RUNX2: variants seen among roughly 807,000 people sequenced by gnomAD.
RUNX2 encodes the protein runt-related transcription factor 2.
RUNX2 carries 10 observed loss-of-function variants against 51.7 expected under a neutral mutation model. That is an observed-to-expected ratio of 0.19 (90% CI 0.12 to 0.33). The LOEUF (loss-of-function observed/expected upper bound fraction) is 0.33, where lower values mean the gene tolerates loss of function less well. Among genes scored for constraint, RUNX2 ranks in the 10% least tolerant of loss-of-function variants. The probability of loss-of-function intolerance (pLI) is 1.00; values close to 1 mark genes in which losing one functional copy is unlikely to be tolerated. For missense variants in RUNX2, 562 were observed against 691.3 expected (o/e 0.81, Z 2.10); for synonymous variants, 276 against 273.6 (o/e 1.01, Z -0.09).
At chr6:45,527,584 A>T (rs1453336473) in intron 7 of RUNX2, among the ~76,000 whole-genome samples, 4 of 152,220 alleles carry the variant, frequency 2.6e-5, no homozygotes, top group Admixed American at 2.6e-4. Flanking sequence ...ATAATATTGC[A>T]TCTTTTACAA....
intron 7 of RUNX2, among the ~76,000 whole-genome samples, chr6:45,519,387 T>G (rs973950606): frequency 6.6e-6 from 1 of 152,214 alleles, no homozygotes; most frequent in African/African-American, 2.4e-5. Context: ...ATTGATACAT[T>G]GTTATGAAAT....
chr6:45,485,671 GTA>G (rs761884913), intron 5 of RUNX2, among the ~76,000 whole-genome samples: 1,764 of 122,790 alleles, frequency 0.014, 17 homozygotes, highest in Middle Eastern at 0.037. Context: ...GCATGGATAT[GTA>G]TGTGTGTGTG....
At position 45,551,063 on chromosome 6, in the gene RUNX2, T is replaced by C. The variant is rs1802550199; in HGVS notation, c.*3758T>C. 6.5e-6 allele frequency: 1 copy of C among 152,674 alleles called. No individual in the cohort carries two copies. Among genetic ancestry groups the C allele is most frequent in the Non-Finnish European group, 1.5e-5 (1 of 68,048 alleles). 9.5% of individuals were successfully genotyped at this position (152,674 alleles called of 1,614,324 possible). Reference sequence around the variant, plus strand: ...AGTTTGAATTTAATTTTCAATAAAATGGCTTTTTTGGTTTTGTTATGTGTG... The same window carrying C: ...AGTTTGAATTTAATTTTCAATAAAACGGCTTTTTTGGTTTTGTTATGTGTG... On this transcript the variant is annotated 3_prime_UTR_variant, in exon 9 of 9. Coordinates refer to ENST00000647337, the MANE Select transcript of RUNX2 (RefSeq NM_001024630.4).
chr6:45,395,508 A>G (rs1310793925), intron 2 of RUNX2, among the ~76,000 whole-genome samples: 1 of 152,236 alleles, frequency 6.6e-6, no homozygotes, highest in Non-Finnish European at 1.5e-5. Context: ...AATTCTTCCT[A>G]AAACATAAGA....
intron 5 of RUNX2, among the ~76,000 whole-genome samples, chr6:45,446,128 C>A (rs113157400): frequency 5.3e-5 from 8 of 152,330 alleles, no homozygotes; most frequent in African/African-American, 1.9e-4. Flanking sequence ...ATGGCATTAA[C>A]ATCCTTTCAT....
chr6:45,501,973 A>C (rs1245932418), intron 6 of RUNX2, among the ~76,000 whole-genome samples: 4 of 152,240 alleles, frequency 2.6e-5, no homozygotes, highest in Admixed American at 2.6e-4. Context: ...TTTGTGTCGT[A>C]AACTTTAAAG....
At chr6:45,523,100 T>G (rs1563123018) in intron 7 of RUNX2, among the ~76,000 whole-genome samples, 1 of 152,238 alleles carries the variant, frequency 6.6e-6, no homozygotes. Context: ...ATTTGTGATA[T>G]TAATAAATAT....
chr6:45,463,525 T>C (rs1249216821), intron 5 of RUNX2, among the ~76,000 whole-genome samples: 1 of 152,236 alleles, frequency 6.6e-6, no homozygotes, highest in East Asian at 1.9e-4. Flanking sequence ...GTTTTTTTCC[T>C]TTTGTCTTGC....
At chr6:45,523,857 G>T (rs537589679) in intron 7 of RUNX2, among the ~76,000 whole-genome samples, 1 of 151,890 alleles carries the variant, frequency 6.6e-6, no homozygotes. Flanking sequence ...ACTTGAACCC[G>T]GGAGGCGGAG....
intron 7 of RUNX2, among the ~76,000 whole-genome samples, chr6:45,535,162 G>A (rs78424589): frequency 0.012 from 1,893 of 152,090 alleles, 58 homozygotes; most frequent in African/African-American, 0.043. Context: ...ATACCTGGAC[G>A]ATGAAATAAT....
chr6:45,543,881 TA>T (rs1802308774), intron 7 of RUNX2, among the ~76,000 whole-genome samples: 7 of 151,790 alleles, frequency 4.6e-5, no homozygotes, highest in Admixed American at 4.6e-4. Flanking sequence ...ATTTGAAGAT[TA>T]GGAAGGAGTT....
rs114194737 is a variant in RUNX2 at position 45,494,427 on chromosome 6, G to A, written c.859+2313G>A. 9.0e-3 allele frequency among the ~76,000 whole-genome samples: 1,378 copies of A among 152,310 alleles called. 19 individuals are homozygous for A. The highest frequency in any genetic ancestry group is 0.03 in the African/African-American group (1,260 of 41,548). On this transcript the variant is annotated intron_variant, in intron 6 of 8. Transcript: ENST00000647337. Reference sequence around the variant, plus strand: ...ACAAGTTAATTTCTAGGTACTGATAGCTTCTTGGAATTTTTATGAGTATTA... The same window carrying A: ...ACAAGTTAATTTCTAGGTACTGATAACTTCTTGGAATTTTTATGAGTATTA...
At chr6:45,517,457 T>C (rs1801366131) in intron 7 of RUNX2, among the ~76,000 whole-genome samples, 1 of 152,154 alleles carries the variant, frequency 6.6e-6, no homozygotes, top group South Asian at 2.1e-4. Flanking sequence ...ATTACAGACA[T>C]GAGCCACCTC....
chr6:45,514,937 G>GT (rs60322978), intron 7 of RUNX2, among the ~76,000 whole-genome samples: 2,690 of 141,156 alleles, frequency 0.019, 57 homozygotes, highest in African/African-American at 0.054. Flanking sequence ...TTTAATTTGG[G>GT]TTTTTTTTTT....
At chr6:45,433,728 G>C (rs886961875) in intron 4 of RUNX2, among the ~76,000 whole-genome samples, 2 of 152,130 alleles carry the variant, frequency 1.3e-5, no homozygotes, top group African/African-American at 2.4e-5. Flanking sequence ...GGTGTGCACT[G>C]TTTTACTATA....
At chr6:45,354,162 C>A (rs1792648382) in intron 2 of RUNX2, among the ~76,000 whole-genome samples, 1 of 152,098 alleles carries the variant, frequency 6.6e-6, no homozygotes, top group African/African-American at 2.4e-5. Context: ...AAAAATTCCT[C>A]TATGACTTTC....
chr6:45,382,566 G>A (rs751884922), intron 2 of RUNX2, among the ~76,000 whole-genome samples: 5 of 152,192 alleles, frequency 3.3e-5, no homozygotes, highest in South Asian at 4.1e-4. Context: ...TGTGCAAACC[G>A]TAGGGTGGGG....
At chr6:45,491,544 C>T (rs889509679) in intron 5 of RUNX2, among the ~76,000 whole-genome samples, 5 of 151,512 alleles carry the variant, frequency 3.3e-5, no homozygotes, top group Admixed American at 2.6e-4. Context: ...CTAACATGCA[C>T]GGACTCTCTG....
chr6:45,400,525 A>C (rs760541821), intron 2 of RUNX2, among the ~76,000 whole-genome samples: 1 of 152,212 alleles, frequency 6.6e-6, no homozygotes, highest in Non-Finnish European at 1.5e-5. Flanking sequence ...TTAAATCCCT[A>C]TTCACACCTT....
Sources: gnomAD v4.1 joint callset for allele counts (sites outside exome capture counted in the v4.1 genomes callset) on GRCh38, gnomAD v4.1.1 for gene constraint, MANE v1.5 for transcripts, NCBI Gene and HGNC (gene_info 2026-07-23, HGNC 2026-07-21) for gene names.